CYRIB: variants seen among roughly 807,000 people sequenced by gnomAD.
The protein encoded by CYRIB is CYFIP-related Rac1 interactor B.
CYRIB carries 8 observed loss-of-function variants against 44.2 expected under a neutral mutation model. That is an observed-to-expected ratio of 0.18 (90% CI 0.11 to 0.33). CYRIB has a LOEUF of 0.33. CYRIB is among the 10% of genes least tolerant of loss of function. The pLI, the probability that CYRIB is intolerant of heterozygous loss-of-function variation, is 1.00. For synonymous variants in CYRIB, 131 were observed against 127.2 expected, an observed-to-expected ratio of 1.03 and a Z score of -0.20; for missense variants, 185 against 382.8, an observed-to-expected ratio of 0.48 and a Z score of 4.31.
At chr8:130,014,473 G>A (rs558311808) in intron 1 of CYRIB, among the ~76,000 whole-genome samples, 1 of 152,262 alleles carries the variant, frequency 6.6e-6, no homozygotes, top group East Asian at 1.9e-4. Flanking sequence ...TCAAACTGCA[G>A]CACGCTGCTG....
At chr8:129,875,205 C>T (rs965735647) in intron 3 of CYRIB, among the ~76,000 whole-genome samples, 2 of 151,648 alleles carry the variant, frequency 1.3e-5, no homozygotes, top group African/African-American at 4.8e-5. Flanking sequence ...TATAAATTAA[C>T]ACTGTTGTTA....
chr8:129,939,208 C>A (rs1458418242), intron 1 of CYRIB, among the ~76,000 whole-genome samples: 1 of 150,572 alleles, frequency 6.6e-6, no homozygotes, highest in African/African-American at 2.5e-5. Context: ...AAAAAGCGGC[C>A]GCGAAGAGGA....
chr8:129,982,992 T>C (rs1018156304), intron 1 of CYRIB, among the ~76,000 whole-genome samples: 4 of 144,268 alleles, frequency 2.8e-5, no homozygotes, highest in African/African-American at 8.0e-5. Context: ...ATACCAATTA[T>C]ACCTTAGTAG....
chr8:129,892,615 A>AT (rs1445369160), intron 2 of CYRIB, among the ~76,000 whole-genome samples: 1 of 151,934 alleles, frequency 6.6e-6, no homozygotes, highest in Non-Finnish European at 1.5e-5. Context: ...ATTTCATTAT[A>AT]TATTTCAAAA....
intron 2 of CYRIB, among the ~76,000 whole-genome samples, chr8:129,968,921 C>T (rs1421261853): frequency 1.3e-5 from 2 of 151,866 alleles, no homozygotes; most frequent in African/African-American, 4.8e-5. Flanking sequence ...GCCATTAAAA[C>T]TTTGGCCCTC....
intron 2 of CYRIB, chr8:129,948,863 G>A (rs1165557601): frequency 6.6e-6 from 1 of 152,560 alleles, no homozygotes; most frequent in African/African-American, 2.4e-5. Context: ...AGAATTGCTT[G>A]AGACCAGCCT....
At position 129,862,042 on chromosome 8, in the gene CYRIB, A is replaced by G. The variant is rs540521887; in HGVS notation, c.301+187T>C. 1.2e-4 allele frequency among the ~76,000 whole-genome samples: 19 copies of G among 152,330 alleles called. 1 individual carries two copies. The East Asian group carries it at 3.7e-3, about 29-fold the overall frequency. ...AATAACTTGTGGACAAAAATGGTCT[A>G]AATGAATTAAAAGGCCAGGGTTGAA... On this transcript the variant is annotated intron_variant, in intron 5 of 11. Coordinates refer to ENST00000519824, the Ensembl canonical transcript of CYRIB.
intron 5 of CYRIB, among the ~76,000 whole-genome samples, chr8:129,857,158 A>T (rs6993426): frequency 0.034 from 5,154 of 152,250 alleles, 302 homozygotes; most frequent in African/African-American, 0.12. Context: ...TGTGCCAAGC[A>T]CTGGGAAAAT....
At chr8:129,924,472 A>AT (rs1486702399) in intron 1 of CYRIB, among the ~76,000 whole-genome samples, 2 of 151,956 alleles carry the variant, frequency 1.3e-5, no homozygotes, top group Non-Finnish European at 1.5e-5. Flanking sequence ...ATTCTCATTA[A>AT]TTTTTTTATT....
chr8:129,939,031 C>G lies in CYRIB; in HGVS notation c.-50+577G>C, dbSNP rs78338055. ...ATTAATTAAAAGGACAACGCAGTAT[C>G]TAAGTTGGAAGATCTGGCCGCGCAG... On this transcript the variant is annotated intron_variant, in intron 1 of 11. Coordinates refer to ENST00000519824, the Ensembl canonical transcript of CYRIB. 4.2e-3 allele frequency among the ~76,000 whole-genome samples: 636 copies of G among 152,288 alleles called. 6 individuals carry two copies. Among genetic ancestry groups the G allele is most frequent in the African/African-American group, 0.015 (612 of 41,560 alleles).
At chr8:129,990,321 A>G (rs2096597011) in intron 1 of CYRIB, among the ~76,000 whole-genome samples, 2 of 152,220 alleles carry the variant, frequency 1.3e-5, no homozygotes, top group Admixed American at 6.5e-5. Flanking sequence ...TAACACACAC[A>G]TGCATATGCA....
chr8:129,908,822 C>T (rs1421335757), intron 1 of CYRIB, among the ~76,000 whole-genome samples: 2 of 152,004 alleles, frequency 1.3e-5, no homozygotes, highest in African/African-American at 2.4e-5. Flanking sequence ...CCTTGATATA[C>T]CTAGAACTAC....
intron 2 of CYRIB, among the ~76,000 whole-genome samples, chr8:129,881,699 G>T (rs933310006): frequency 6.6e-6 from 1 of 152,180 alleles, no homozygotes; most frequent in African/African-American, 2.4e-5. Flanking sequence ...CCCCCAATGG[G>T]GGAGGTGGAG....
chr8:129,921,136 CA>C (rs2083340939), intron 1 of CYRIB, among the ~76,000 whole-genome samples: 1 of 152,166 alleles, frequency 6.6e-6, no homozygotes, highest in African/African-American at 2.4e-5. Context: ...TTTACTCAGA[CA>C]TAAGTCTTAT....
rs183697039 is a variant in CYRIB, at chr8:129,966,651, C to A, written c.-243+4292G>T. Among the ~76,000 whole-genome samples the A allele has an allele frequency of 2.0e-3, 308 of 152,162 alleles. 4 individuals carry two copies. The highest frequency in any genetic ancestry group is 9.9e-4 in the Non-Finnish European group (67 of 68,006). Reference sequence around the variant, plus strand: ...GCCAAGGCAGGAGGATCACTTGAGTCCAGGAATTCAAGACCAGCCTCTATA... The same window carrying A: ...GCCAAGGCAGGAGGATCACTTGAGTACAGGAATTCAAGACCAGCCTCTATA... On this transcript the variant is annotated intron_variant, in intron 2 of 14. Transcript: ENST00000401979.
At chr8:129,932,589 A>C (rs2091841323) in intron 1 of CYRIB, among the ~76,000 whole-genome samples, 1 of 152,148 alleles carries the variant, frequency 6.6e-6, no homozygotes, top group Admixed American at 6.5e-5. Context: ...TATTATAGAG[A>C]ATAATAATCT....
chr8:130,009,300 T>C lies in CYRIB; in HGVS notation c.-296+7070A>G, dbSNP rs376721152. 6.6e-3 allele frequency among the ~76,000 whole-genome samples: 996 copies of C among 150,412 alleles called. 8 individuals are homozygous for C. The highest frequency in any genetic ancestry group is 0.024 in the Middle Eastern group (7 of 286). On this transcript the variant is annotated intron_variant, in intron 1 of 14. Coordinates refer to the CYRIB transcript ENST00000401979. ...TTTTTTTTTTGAGACAGAGTTTCCC[T>C]CTTGTCACCCAGGCTGGAGTGCAAT...
At chr8:129,870,493 AATC>A (rs1459164214) in intron 4 of CYRIB, among the ~76,000 whole-genome samples, 1 of 152,212 alleles carries the variant, frequency 6.6e-6, no homozygotes, top group Non-Finnish European at 1.5e-5. Context: ...ACATGTTTTG[AATC>A]ACCACCTTCT....
intron 4 of CYRIB, among the ~76,000 whole-genome samples, chr8:129,869,512 A>G (rs1261508403): frequency 6.6e-6 from 1 of 152,208 alleles, no homozygotes; most frequent in Non-Finnish European, 1.5e-5. Context: ...AACAATTTAA[A>G]CTAATTTGTA....
Sources: gnomAD v4.1 joint callset for allele counts (sites outside exome capture counted in the v4.1 genomes callset) on GRCh38, gnomAD v4.1.1 for gene constraint, MANE v1.5 for transcripts, NCBI Gene and HGNC (gene_info 2026-07-23, HGNC 2026-07-21) for gene names.